The following ZNF33B variants were observed in gnomAD, a reference collection of about 807,000 sequenced individuals.
The protein encoded by ZNF33B is zinc finger protein 33B.
A neutral mutation model predicts 45.8 loss-of-function variants in ZNF33B; 29 were observed. The observed-to-expected ratio is 0.63, with a 90% CI of 0.47 to 0.86. ZNF33B has a LOEUF of 0.86. Among genes scored for constraint, ZNF33B ranks in the 40% least tolerant of loss-of-function variants. The probability of loss-of-function intolerance (pLI) is 0.00; values close to 1 mark genes in which losing one functional copy is unlikely to be tolerated. For missense variants in ZNF33B, 831 were observed against 909.9 expected (o/e 0.91, Z 1.12); for synonymous variants, 305 against 307.8 (o/e 0.99, Z 0.10).
At position 42,591,618 on chromosome 10, in the gene ZNF33B, C is replaced by T. The variant is rs1449340354; in HGVS notation, c.*995G>A. 1 of 529,986 alleles carries T rather than the reference C, an allele frequency of 1.9e-6. No individual in the cohort carries two copies. The highest frequency in any genetic ancestry group is 1.5e-4 in the East Asian group (1 of 6,782). 32.8% of individuals were successfully genotyped at this position (529,986 alleles called of 1,614,324 possible). ...TAAATACCATTATGCATATGAAACA[C>T]ACGATTTATATCACATACCACTTGT... On this transcript the variant is annotated 3_prime_UTR_variant, in exon 5 of 5. Coordinates refer to ENST00000359467, the MANE Select transcript of ZNF33B (RefSeq NM_006955.3).
Position 42,592,881 on chromosome 10 carries a change from T to TC in ZNF33B, c.2068dup (p.Glu690GlyfsTer5). On this transcript the variant is annotated frameshift_variant, in exon 5 of 5. Transcript: ENST00000359467. LOFTEE classifies it high-confidence loss of function. ...ACATTCATTGCATTCATAGGGTTTC[T>TC]CCCCCGTGTGCTTTCTCTCATGTAA... 6.2e-7 allele frequency: 1 copy of TC among 1,614,114 alleles called. No individual in the cohort carries two copies. The highest frequency in any genetic ancestry group is 8.5e-7 in the Non-Finnish European group (1 of 1,179,978).
At chr10:42,614,186 C>T in intron 4 of ZNF33B, 1 of 154,932 alleles carries the variant, frequency 6.5e-6, no homozygotes, top group Middle Eastern at 5.2e-4. Context: ...AAAAAAGGTA[C>T]TTTACTACTG....
intron 1 of ZNF33B, 118 bp downstream of exon 1, chr10:42,638,356 G>A (rs1462158434): frequency 4.8e-5 from 15 of 312,938 alleles, no homozygotes; most frequent in South Asian, 4.1e-4. Flanking sequence ...CGCCGTCCCC[G>A]GCTTCTCCGT....
chr10:42,621,269 C>G (rs749833951), intron 4 of ZNF33B, among the ~76,000 whole-genome samples: 8 of 151,534 alleles, frequency 5.3e-5, no homozygotes, highest in Non-Finnish European at 1.0e-4. Context: ...GAGTTCGAGG[C>G]TACAGTGAGC....
chr10:42,625,388 G>A (rs116583978), intron 4 of ZNF33B, among the ~76,000 whole-genome samples: 51 of 152,196 alleles, frequency 3.4e-4, no homozygotes, highest in African/African-American at 1.1e-3. Context: ...CATTGTTAGT[G>A]GAAAGAAATT....
At chr10:42,600,521 T>A (rs1435377862) in intron 4 of ZNF33B, among the ~76,000 whole-genome samples, 1 of 152,194 alleles carries the variant, frequency 6.6e-6, no homozygotes, top group African/African-American at 2.4e-5. Flanking sequence ...CCATTCTACA[T>A]CTTTTCCCAT....
intron 4 of ZNF33B, among the ~76,000 whole-genome samples, chr10:42,618,018 C>T (rs1381083051): frequency 6.6e-6 from 1 of 152,168 alleles, no homozygotes; most frequent in Non-Finnish European, 1.5e-5. Flanking sequence ...ATTCTTCTCC[C>T]TTCTTTCTCA....
chr10:42,625,530 C>T (rs210288), intron 4 of ZNF33B, among the ~76,000 whole-genome samples: 10,682 of 152,028 alleles, frequency 0.07, 506 homozygotes, highest in South Asian at 0.11. Flanking sequence ...CCCAGGCTGG[C>T]GTGCAATGGT....
intron 4 of ZNF33B, among the ~76,000 whole-genome samples, chr10:42,595,551 C>T (rs1472889189): frequency 6.6e-6 from 1 of 152,124 alleles, no homozygotes. Flanking sequence ...AAACCCCAAC[C>T]TCCAGTGTGA....
chr10:42,594,682 G>T lies in ZNF33B; in HGVS notation c.268C>A (p.His90Asn), dbSNP rs1217922298. ...TTTTCTTGGCTCCTCTCTTTCAGGTGATCAGCTGTCCAGACTTCTACAAAC... is the reference window on the plus strand; with the variant it reads ...TTTTCTTGGCTCCTCTCTTTCAGGTTATCAGCTGTCCAGACTTCTACAAAC... ...QSFPEVWTAD[H>N]LKERSQENQS... is the part of the protein sequence containing the mutation. Residue 90 changes from histidine to asparagine, a missense_variant, in exon 5 of 5, where the codon CAC becomes AAC. Physicochemically the swap from His to Asn is moderately conservative, Grantham distance 68 (BLOSUM62 1). Coordinates refer to ENST00000359467, the MANE Select transcript of ZNF33B (RefSeq NM_006955.3). 6.3e-7 allele frequency: 1 copy of T among 1,582,304 alleles called. No homozygotes were observed. Among genetic ancestry groups the T allele is most frequent in the African/African-American group, 1.4e-5 (1 of 73,416 alleles).
chr10:42,616,120 T>C (rs1273738053), intron 4 of ZNF33B, among the ~76,000 whole-genome samples: 2 of 151,696 alleles, frequency 1.3e-5, no homozygotes, highest in Non-Finnish European at 2.9e-5. Flanking sequence ...TAATCCCAGC[T>C]ACTCAGGAGA....
At chr10:42,596,510 T>C (rs1147919) in intron 4 of ZNF33B, among the ~76,000 whole-genome samples, 42,513 of 151,990 alleles carry the variant, frequency 0.28, 7,268 homozygotes, top group Non-Finnish European at 0.39. Flanking sequence ...AATTACTACA[T>C]GGAATTATAT....
At chr10:42,576,126 C>T (rs1220443093) in intron 1 of ZNF33B, among the ~76,000 whole-genome samples, 2 of 151,516 alleles carry the variant, frequency 1.3e-5, no homozygotes, top group African/African-American at 2.4e-5. Context: ...CCTGACCTCA[C>T]GTGATCCGCC....
chr10:42,618,186 G>C (rs1210882163), intron 4 of ZNF33B, among the ~76,000 whole-genome samples: 1 of 152,132 alleles, frequency 6.6e-6, no homozygotes, highest in Non-Finnish European at 1.5e-5. Flanking sequence ...CTATGGGGTG[G>C]ACCAGAACAA....
chr10:42,620,657 A>G (rs1351467200), intron 4 of ZNF33B, among the ~76,000 whole-genome samples: 2 of 151,948 alleles, frequency 1.3e-5, no homozygotes, highest in East Asian at 3.9e-4. Context: ...AGATCCTCCC[A>G]AAGTGCTGGG....
intron 4 of ZNF33B, among the ~76,000 whole-genome samples, chr10:42,623,788 C>T (rs1029897736): frequency 6.6e-6 from 1 of 152,202 alleles, no homozygotes; most frequent in South Asian, 2.1e-4. Context: ...TGCCACTAGA[C>T]TGTACACTTA....
In ZNF33B at chr10:42,628,562, T is replaced by C. The variant is rs139378595; in HGVS notation, c.250+3367A>G. Among the ~76,000 whole-genome samples, 661 of 152,362 alleles carry C rather than the reference T, an allele frequency of 4.3e-3. 7 individuals are homozygous for C. Among genetic ancestry groups the C allele is most frequent in the African/African-American group, 0.015 (641 of 41,586 alleles). On this transcript the variant is annotated intron_variant, in intron 4 of 4. Transcript: ENST00000359467. ...TGCATTTTTGTTGGATTGATCCTTT[T>C]ATCATTATATAATGTTCTTTTTGTC...
chr10:42,578,262 T>A (rs1459585335), intron 1 of ZNF33B, among the ~76,000 whole-genome samples: 2 of 152,218 alleles, frequency 1.3e-5, no homozygotes, highest in African/African-American at 4.8e-5. Flanking sequence ...AAAATTTGCA[T>A]GAAGGGCTCC....
chr10:42,583,449 C>T (rs1029496153), intron 1 of ZNF33B: 1 of 284,988 alleles, frequency 3.5e-6, no homozygotes, highest in Non-Finnish European at 7.0e-6. Context: ...TGAGATGGTA[C>T]TAGATAAATG....
Sources: allele counts gnomAD v4.1 joint callset (sites outside exome capture counted in the v4.1 genomes callset), GRCh38; gene constraint gnomAD v4.1.1; transcripts MANE v1.5; gene names NCBI Gene and HGNC (gene_info 2026-07-23, HGNC 2026-07-21).